Variants in NAALADL2 observed in about 807,000 individuals in gnomAD.
NAALADL2 encodes N-acetylated alpha-linked acidic dipeptidase like 2, also known as inactive N-acetylated-alpha-linked acidic dipeptidase-like protein 2.
Under a neutral mutation model 87.2 loss-of-function variants are expected in NAALADL2, and 76 were observed. The ratio of observed to expected loss-of-function variants is 0.87; its 90% CI spans 0.72 to 1.05. The LOEUF is 1.05. Among genes scored for constraint, NAALADL2 ranks in the 50% least tolerant of loss-of-function variants. The pLI, the probability that NAALADL2 is intolerant of heterozygous loss-of-function variation, is 0.00. For synonymous variants in NAALADL2, 354 were observed against 331.0 expected, an observed-to-expected ratio of 1.07 and a Z score of -0.75; for missense variants, 1,089 against 945.8, an observed-to-expected ratio of 1.15 and a Z score of -1.99.
intron 4 of NAALADL2, among the ~76,000 whole-genome samples, chr3:175,312,091 C>T (rs1290218847): frequency 1.3e-5 from 2 of 151,940 alleles, no homozygotes; most frequent in East Asian, 3.9e-4. Flanking sequence ...TGGAATCTTA[C>T]AAGAATTTTT....
chr3:175,034,704 T>G (rs1226402317), intron 1 of NAALADL2, among the ~76,000 whole-genome samples: 3 of 152,132 alleles, frequency 2.0e-5, no homozygotes, highest in African/African-American at 7.2e-5. Flanking sequence ...TGTCTCCTAC[T>G]GCTGGCTTAA....
chr3:175,626,108 C>T (rs1221605416), intron 10 of NAALADL2, among the ~76,000 whole-genome samples: 1 of 151,960 alleles, frequency 6.6e-6, no homozygotes, highest in African/African-American at 2.4e-5. Context: ...ATATTTTCTT[C>T]TCCTCCATGT....
intron 12 of NAALADL2, among the ~76,000 whole-genome samples, chr3:175,749,452 G>A (rs144789353): frequency 3.5e-4 from 54 of 152,226 alleles, no homozygotes; most frequent in African/African-American, 1.1e-3. Context: ...CAAGGAGCTG[G>A]CAGGTTTAGT....
Position 174,648,881 on chromosome 3 carries a change from TGA to T in NAALADL2, c.-114-88750_-114-88749del, listed in dbSNP as rs558796798. ...TGTGTCAATATGTATACATATGTGT[TGA>T]GAGAGAGAGGTTGGTTTTATATCAT... On this transcript the variant is annotated intron_variant, in intron 2 of 3. Coordinates refer to the NAALADL2 transcript ENST00000434257. 7.2e-4 allele frequency among the ~76,000 whole-genome samples: 109 copies of T among 152,240 alleles called. 1 individual carries two copies. The highest frequency in any genetic ancestry group is 2.5e-3 in the African/African-American group (103 of 41,532).
intron 2 of NAALADL2, among the ~76,000 whole-genome samples, chr3:175,194,499 G>A (rs1230160260): frequency 6.6e-6 from 1 of 151,792 alleles, no homozygotes; most frequent in Non-Finnish European, 1.5e-5. Context: ...TTAATGAAAG[G>A]TAGGCTATAT....
intron 4 of NAALADL2, among the ~76,000 whole-genome samples, chr3:175,285,532 G>A (rs1470571313): frequency 2.0e-5 from 3 of 152,112 alleles, no homozygotes; most frequent in Admixed American, 6.6e-5. Context: ...TGACCTGATA[G>A]TGTGACTCAT....
chr3:175,593,766 C>G (rs559252788), intron 10 of NAALADL2, among the ~76,000 whole-genome samples: 18 of 84,560 alleles, frequency 2.1e-4, no homozygotes, highest in African/African-American at 5.6e-4. Flanking sequence ...TATTAGGGCC[C>G]ACTCTCAAAA....
intron 4 of NAALADL2, among the ~76,000 whole-genome samples, chr3:175,276,039 G>T (rs1038280451): frequency 2.7e-5 from 4 of 150,250 alleles, no homozygotes; most frequent in East Asian, 1.9e-4. Context: ...ATAGCCACAT[G>T]AAAAAATGGC....
chr3:175,544,639 A>C (rs1394800650), intron 9 of NAALADL2, among the ~76,000 whole-genome samples: 2 of 152,190 alleles, frequency 1.3e-5, no homozygotes, highest in Non-Finnish European at 2.9e-5. Flanking sequence ...TCAAAAGATC[A>C]GAGTGGATTT....
At chr3:175,303,256 C>T (rs1757307974) in intron 4 of NAALADL2, among the ~76,000 whole-genome samples, 1 of 152,180 alleles carries the variant, frequency 6.6e-6, no homozygotes, top group Admixed American at 6.5e-5. Flanking sequence ...TATCTTTTAG[C>T]ATTGTTGTGT....
chr3:174,461,289 T>A (rs1277195935), intron 1 of NAALADL2, among the ~76,000 whole-genome samples: 2 of 152,114 alleles, frequency 1.3e-5, no homozygotes, highest in Non-Finnish European at 2.9e-5. Flanking sequence ...TATGTATAAT[T>A]TATTTGTTTT....
At chr3:175,011,272 C>CAGAGAGAGAGAGAGAGAGAGAG (rs1408169414) in intron 1 of NAALADL2, among the ~76,000 whole-genome samples, 2 of 110,288 alleles carry the variant, frequency 1.8e-5, no homozygotes, top group Admixed American at 9.5e-5. Context: ...GGGAGAGAGA[C>CAGAGAGAGAGAGAGAGAGAGAG]AGAGAGACAG....
intron 2 of NAALADL2, among the ~76,000 whole-genome samples, chr3:174,608,601 A>C (rs923835860): frequency 6.6e-6 from 1 of 152,266 alleles, no homozygotes; most frequent in African/African-American, 2.4e-5. Context: ...CACCCTCCCA[A>C]GACTAAACCA....
rs1754642608 is a variant in NAALADL2 at position 175,805,683 on chromosome 3, C to T, written c.*2480C>T. 6.6e-6 allele frequency: 1 copy of T among 151,530 alleles called. No homozygotes were observed. Among genetic ancestry groups the T allele is most frequent in the Admixed American group, 6.6e-5 (1 of 15,142 alleles). The allele number at this position is 151,530 out of a possible 1,614,324, so 9.4% of individuals were successfully genotyped here. A position where few individuals can be genotyped will look rare whatever the true frequency, so the allele number is the denominator to read the frequency against. On this transcript the variant is annotated 3_prime_UTR_variant, in exon 14 of 14. Transcript: ENST00000454872. ...AATTGGTAGTAGGTTTAAGCTGTTG[C>T]TGAGTCGTCTATATGCCTGGTACTT...
chr3:175,418,644 T>A (rs941179652), intron 5 of NAALADL2, among the ~76,000 whole-genome samples: 1 of 152,082 alleles, frequency 6.6e-6, no homozygotes, highest in African/African-American at 2.4e-5. Context: ...ATTGTGAATT[T>A]AGAAGTGATA....
intron 2 of NAALADL2, among the ~76,000 whole-genome samples, chr3:174,557,430 A>G (rs1376511746): frequency 6.6e-6 from 1 of 152,068 alleles, no homozygotes; most frequent in Non-Finnish European, 1.5e-5. Flanking sequence ...GATGTGTTTT[A>G]TTAATATCAT....
rs932704721 is a variant in NAALADL2, at chr3:174,532,514, A to T, written c.-183-18055A>T. 1.1e-4 allele frequency among the ~76,000 whole-genome samples: 16 copies of T among 152,292 alleles called. No homozygotes were observed. The East Asian group carries it at 2.9e-3, about 28-fold the overall frequency. ...GGAGGAACTGTCCTACTGGAGTCAA[A>T]TTTAATCATTGAATCCTATATGGAA... On this transcript the variant is annotated intron_variant, in intron 1 of 3. Transcript: ENST00000434257.
intron 5 of NAALADL2, among the ~76,000 whole-genome samples, chr3:175,349,018 G>C (rs997341012): frequency 3.9e-5 from 6 of 152,028 alleles, no homozygotes; most frequent in Non-Finnish European, 7.4e-5. Flanking sequence ...CATATACGTA[G>C]AGGAACACAC....
At chr3:175,743,071 G>A (rs1041273398) in intron 12 of NAALADL2, among the ~76,000 whole-genome samples, 5 of 151,384 alleles carry the variant, frequency 3.3e-5, no homozygotes, top group South Asian at 2.1e-4. Flanking sequence ...CGCGATCTCC[G>A]CTCACTGCAA....
Sources: allele counts gnomAD v4.1 joint callset (sites outside exome capture counted in the v4.1 genomes callset), GRCh38; gene constraint gnomAD v4.1.1; transcripts MANE v1.5; gene names NCBI Gene and HGNC (gene_info 2026-07-23, HGNC 2026-07-21).